SLC35F4: variants seen among roughly 807,000 people sequenced by gnomAD.
SLC35F4 encodes the protein chromosome 14 open reading frame 36.
SLC35F4 carries 24 observed loss-of-function variants against 44.2 expected under a neutral mutation model. The ratio of observed to expected loss-of-function variants is 0.54; its 90% CI spans 0.39 to 0.76. The LOEUF is 0.76. SLC35F4 is among the 30% of genes least tolerant of loss of function. The pLI is 0.00. For missense variants in SLC35F4, 562 were observed against 586.1 expected, an observed-to-expected ratio of 0.96 and a Z score of 0.42; for synonymous variants, 238 against 223.6, an observed-to-expected ratio of 1.06 and a Z score of -0.57.
intron 1 of SLC35F4, among the ~76,000 whole-genome samples, chr14:57,890,285 C>T (rs1241138864): frequency 6.6e-6 from 1 of 152,198 alleles, no homozygotes; most frequent in East Asian, 1.9e-4. Context: ...CCAGCCAATG[C>T]CTGCCAAATC....
At chr14:57,843,367 G>T (rs772958991) in intron 1 of SLC35F4, among the ~76,000 whole-genome samples, 1 of 152,042 alleles carries the variant, frequency 6.6e-6, no homozygotes. Context: ...CCCTCCATAG[G>T]CAGGCTATGG....
chr14:57,931,565 T>C (rs2141066139), intron 1 of SLC35F4, among the ~76,000 whole-genome samples: 1 of 152,110 alleles, frequency 6.6e-6, no homozygotes, highest in East Asian at 1.9e-4. Flanking sequence ...AATATGAAAA[T>C]AAAATTAGTT....
chr14:57,959,807 C>T (rs535828475), intron 1 of SLC35F4, among the ~76,000 whole-genome samples: 4 of 152,172 alleles, frequency 2.6e-5, no homozygotes, highest in Admixed American at 6.5e-5. Flanking sequence ...AGACAAAGAA[C>T]CCCGTAAATG....
At chr14:57,878,600 C>A (rs1319399798) in intron 1 of SLC35F4, among the ~76,000 whole-genome samples, 2 of 152,192 alleles carry the variant, frequency 1.3e-5, no homozygotes, top group Non-Finnish European at 2.9e-5. Flanking sequence ...CTCTCTCCCT[C>A]AACTCTTTGC....
chr14:57,723,199 T>G (rs1274476627), intron 1 of SLC35F4, among the ~76,000 whole-genome samples: 1 of 152,152 alleles, frequency 6.6e-6, no homozygotes, highest in Non-Finnish European at 1.5e-5. Flanking sequence ...GTCCCCAGAC[T>G]CATCCTGTGG....
chr14:57,694,688 T>C (rs1256010304), intron 1 of SLC35F4, among the ~76,000 whole-genome samples: 1 of 152,176 alleles, frequency 6.6e-6, no homozygotes, highest in African/African-American at 2.4e-5. Flanking sequence ...TCTCTCCATT[T>C]ATTTCTGTCT....
At chr14:57,851,299 A>G (rs1886537905) in intron 1 of SLC35F4, among the ~76,000 whole-genome samples, 1 of 152,146 alleles carries the variant, frequency 6.6e-6, no homozygotes, top group South Asian at 2.1e-4. Flanking sequence ...AATAGATAAA[A>G]CTCAGTGGAA....
chr14:57,581,746 G>A (rs1162493329), intron 3 of SLC35F4, among the ~76,000 whole-genome samples: 2 of 152,238 alleles, frequency 1.3e-5, no homozygotes, highest in African/African-American at 4.8e-5. Flanking sequence ...GAAATTGGTA[G>A]TTGCTGAAAT....
intron 1 of SLC35F4, among the ~76,000 whole-genome samples, chr14:57,746,245 G>A (rs1347195079): frequency 2.0e-5 from 3 of 151,680 alleles, no homozygotes; most frequent in African/African-American, 7.3e-5. Flanking sequence ...AAAAAAAAAA[G>A]AAAGTACTCA....
In SLC35F4 at chr14:57,564,319, A is replaced by G. The variant is rs1244442831; in HGVS notation, c.1274T>C (p.Ile425Thr). Residue 425 changes from isoleucine (I) to threonine (T), a missense_variant, in exon 8 of 8, where the codon ATC becomes ACC. By Grantham distance (89) the Ile-to-Thr change is moderately conservative. Coordinates refer to ENST00000556826, the MANE Select transcript of SLC35F4 (RefSeq NM_001306087.2). The part of the protein sequence containing the change: ...IFNVVRLAAT[I>T]IICIGFLLML... ...CAGCAGAAACCCAATGCAGATGATGATGGTAGCAGCCAGGCGGACAACATT... is the reference window on the plus strand; with the variant it reads ...CAGCAGAAACCCAATGCAGATGATGGTGGTAGCAGCCAGGCGGACAACATT... The G allele has an allele frequency of 6.2e-7, 1 of 1,612,120 alleles. No homozygotes were observed. The highest frequency in any genetic ancestry group is 1.7e-5 in the Admixed American group (1 of 59,678).
intron 1 of SLC35F4, among the ~76,000 whole-genome samples, chr14:57,718,027 T>C (rs959676147): frequency 6.6e-6 from 1 of 152,208 alleles, no homozygotes; most frequent in Non-Finnish European, 1.5e-5. Context: ...AACTCCCAAC[T>C]ACTCTTCCCA....
chr14:57,816,878 A>G (rs1036046417), intron 1 of SLC35F4, among the ~76,000 whole-genome samples: 6 of 152,052 alleles, frequency 3.9e-5, no homozygotes, highest in Non-Finnish European at 8.8e-5. Flanking sequence ...TTGATAATAA[A>G]CCTTTCATTT....
chr14:57,907,248 TATA>T (rs2141048963), intron 1 of SLC35F4, among the ~76,000 whole-genome samples: 1 of 152,300 alleles, frequency 6.6e-6, no homozygotes, highest in South Asian at 2.1e-4. Flanking sequence ...ACTTTTTAGG[TATA>T]ATGCTATTGT....
chr14:57,729,448 C>T (rs774915313), intron 1 of SLC35F4, among the ~76,000 whole-genome samples: 1 of 152,182 alleles, frequency 6.6e-6, no homozygotes. Flanking sequence ...CTTTAGTCAG[C>T]AGGTGATGAA....
At chr14:57,641,524 C>G (rs1414721778) in intron 1 of SLC35F4, among the ~76,000 whole-genome samples, 1 of 151,944 alleles carries the variant, frequency 6.6e-6, no homozygotes, top group Non-Finnish European at 1.5e-5. Context: ...AATTAGCCTG[C>G]TAAAGTCATG....
intron 1 of SLC35F4, among the ~76,000 whole-genome samples, chr14:57,900,116 G>A (rs924836241): frequency 2.0e-5 from 3 of 152,030 alleles, no homozygotes; most frequent in Non-Finnish European, 4.4e-5. Flanking sequence ...GCATTTTACA[G>A]AGCACTGATT....
chr14:57,913,948 A>C (rs1480387694), intron 1 of SLC35F4, among the ~76,000 whole-genome samples: 2 of 152,322 alleles, frequency 1.3e-5, no homozygotes, highest in East Asian at 3.9e-4. Context: ...TTTACAAGGT[A>C]CAGAAATCTA....
Position 57,762,000 on chromosome 14 carries a change from G to A in SLC35F4, c.103+103723C>T, listed in dbSNP as rs2140629955. Among the ~76,000 whole-genome samples the A allele has an allele frequency of 1.3e-5, 2 of 152,240 alleles. 1 individual carries two copies. Among genetic ancestry groups the A allele is most frequent in the East Asian group, 3.9e-4 (2 of 5,180 alleles). On this transcript the variant is annotated intron_variant, in intron 1 of 7. Transcript: ENST00000556826. ...CAGGCTGAAAACAAGGAATTTGGGA[G>A]GTTAGAGCTACTGCTAAAACATTCC... is the stretch of plus-strand genomic sequence containing the variant.
chr14:57,737,850 C>A (rs41491051), intron 1 of SLC35F4, among the ~76,000 whole-genome samples: 2,424 of 152,250 alleles, frequency 0.016, 75 homozygotes, highest in African/African-American at 0.056. Flanking sequence ...TTAATCCTTT[C>A]CAAATGCAAC....
Sources: gnomAD v4.1 joint callset for allele counts (sites outside exome capture counted in the v4.1 genomes callset) on GRCh38, gnomAD v4.1.1 for gene constraint, MANE v1.5 for transcripts, NCBI Gene and HGNC (gene_info 2026-07-23, HGNC 2026-07-21) for gene names.